The following SOX5 variants were observed in gnomAD, a reference collection of about 807,000 sequenced individuals.
SOX5 encodes SRY-box transcription factor 5, also known as transcription factor SOX-5.
Under a neutral mutation model 92.0 loss-of-function variants are expected in SOX5, and 9 were observed. The ratio of observed to expected loss-of-function variants is 0.10; its 90% confidence interval spans 0.06 to 0.17. SOX5 has a LOEUF of 0.17. Among genes scored for constraint, SOX5 ranks in the 10% least tolerant of loss-of-function variants. SOX5 has a pLI of 1.00. For synonymous variants in SOX5, 344 were observed against 336.3 expected, an observed-to-expected ratio of 1.02 and a Z score of -0.25; for missense variants, 642 against 944.5, an observed-to-expected ratio of 0.68 and a Z score of 4.20.
At chr12:24,370,124 T>C (rs1358118398) in intron 1 of SOX5, among the ~76,000 whole-genome samples, 4 of 152,204 alleles carry the variant, frequency 2.6e-5, no homozygotes, top group Non-Finnish European at 5.9e-5. Context: ...CTTCTAAATA[T>C]TATTAGTAGT....
chr12:23,997,129 T>C (rs1370081569), intron 4 of SOX5, among the ~76,000 whole-genome samples: 1 of 152,100 alleles, frequency 6.6e-6, no homozygotes, highest in East Asian at 1.9e-4. Flanking sequence ...AAAAAAATAG[T>C]GAAATATTTA....
At chr12:24,522,514 A>T (rs951551619) in intron 1 of SOX5, among the ~76,000 whole-genome samples, 1 of 152,172 alleles carries the variant, frequency 6.6e-6, no homozygotes, top group East Asian at 1.9e-4. Flanking sequence ...ATACAGATAC[A>T]AAAATCCTGA....
At chr12:23,727,425 A>G (rs932232084) in intron 6 of SOX5, among the ~76,000 whole-genome samples, 14 of 152,156 alleles carry the variant, frequency 9.2e-5, no homozygotes, top group Non-Finnish European at 1.9e-4. Context: ...TAATCATAAG[A>G]GTTTGGAGCA....
intron 9 of SOX5, among the ~76,000 whole-genome samples, chr12:23,578,117 C>CAAAAAAAAATA (rs1949475188): frequency 2.9e-5 from 1 of 34,886 alleles, no homozygotes. Context: ...GAGACTGTGT[C>CAAAAAAAAATA]AAAAAAAAAA....
chr12:24,215,196 A>C (rs1959069470), intron 3 of SOX5, among the ~76,000 whole-genome samples: 1 of 152,158 alleles, frequency 6.6e-6, no homozygotes, highest in African/African-American at 2.4e-5. Flanking sequence ...CTAAGGAACA[A>C]GAATGTTTGC....
intron 1 of SOX5, among the ~76,000 whole-genome samples, chr12:24,373,916 A>G (rs1436052822): frequency 1.3e-5 from 2 of 152,202 alleles, no homozygotes; most frequent in Non-Finnish European, 2.9e-5. Context: ...AGGGGCCACT[A>G]ATCGGCTTTG....
chr12:24,438,042 T>G (rs1939781513), intron 1 of SOX5, among the ~76,000 whole-genome samples: 1 of 152,134 alleles, frequency 6.6e-6, no homozygotes, highest in Non-Finnish European at 1.5e-5. Flanking sequence ...CAAATGCCCA[T>G]CAATGACAGA....
intron 1 of SOX5, among the ~76,000 whole-genome samples, chr12:24,444,238 A>C (rs529264275): frequency 5.3e-4 from 81 of 151,782 alleles, no homozygotes; most frequent in Admixed American, 1.8e-3. Flanking sequence ...ACTAGCATTT[A>C]CTAAGTACTC....
chr12:24,215,123 C>T (rs1355449383), intron 3 of SOX5, among the ~76,000 whole-genome samples: 1 of 152,040 alleles, frequency 6.6e-6, no homozygotes. Context: ...TAGTAAAGAC[C>T]ATCTATGAAA....
Position 24,165,948 on chromosome 12 carries a change from T to C in SOX5, c.-2+47395A>G, listed in dbSNP as rs187203143. Among the ~76,000 whole-genome samples, 19 of 152,220 alleles carry C rather than the reference T, an allele frequency of 1.2e-4. No homozygotes were observed. In the East Asian group the frequency reaches 3.5e-3, roughly 28 times the overall value. On this transcript the variant is annotated intron_variant, in intron 4 of 4. Coordinates refer to the SOX5 transcript ENST00000446891. ...GAGATTAGGGAAGATGTGACAAACA[T>C]GTAGAGGATGTTTTGGAAAACAACC...
At chr12:24,360,559 G>A (rs1304295447) in intron 2 of SOX5, among the ~76,000 whole-genome samples, 1 of 152,160 alleles carries the variant, frequency 6.6e-6, no homozygotes, top group Non-Finnish European at 1.5e-5. Context: ...AACTAAAAAA[G>A]CTAATCTTAT....
At chr12:23,983,258 T>G (rs2136186758) in intron 4 of SOX5, among the ~76,000 whole-genome samples, 1 of 152,204 alleles carries the variant, frequency 6.6e-6, no homozygotes, top group East Asian at 1.9e-4. Flanking sequence ...TCAGAGTTTG[T>G]AAGCATCACC....
intron 4 of SOX5, among the ~76,000 whole-genome samples, chr12:24,001,922 T>C (rs1452832886): frequency 6.6e-6 from 1 of 152,040 alleles, no homozygotes; most frequent in Non-Finnish European, 1.5e-5. Context: ...TATGATCACA[T>C]CATTGTACCC....
intron 4 of SOX5, among the ~76,000 whole-genome samples, chr12:24,112,367 G>T (rs1472959742): frequency 2.0e-5 from 3 of 152,140 alleles, no homozygotes; most frequent in African/African-American, 7.2e-5. Flanking sequence ...CAAAGTTAAA[G>T]TGGTTCCAAC....
At chr12:24,550,865 C>T (rs566556470) in intron 1 of SOX5, among the ~76,000 whole-genome samples, 6 of 152,328 alleles carry the variant, frequency 3.9e-5, no homozygotes, top group Admixed American at 3.3e-4. Flanking sequence ...CCATGAGACA[C>T]GCATTGATGT....
intron 1 of SOX5, among the ~76,000 whole-genome samples, chr12:24,520,489 T>A (rs953809983): frequency 8.7e-5 from 12 of 137,272 alleles, no homozygotes; most frequent in South Asian, 2.4e-4. Context: ...AATAGACACA[T>A]AAAAGATAAA....
At chr12:23,813,908 A>C (rs2095930124) in intron 3 of SOX5, among the ~76,000 whole-genome samples, 1 of 152,200 alleles carries the variant, frequency 6.6e-6, no homozygotes, top group Non-Finnish European at 1.5e-5. Context: ...ACATTTAATC[A>C]GCCTGTCATA....
intron 3 of SOX5, among the ~76,000 whole-genome samples, chr12:24,228,397 G>T (rs1282257280): frequency 6.6e-6 from 1 of 152,138 alleles, no homozygotes; most frequent in Non-Finnish European, 1.5e-5. Context: ...ATATGTTTTT[G>T]AACTAAAAGT....
At chr12:23,549,458 G>A (rs1943763424) in intron 11 of SOX5, among the ~76,000 whole-genome samples, 1 of 151,796 alleles carries the variant, frequency 6.6e-6, no homozygotes, top group Admixed American at 6.6e-5. Context: ...CCCATTTAAA[G>A]GTCACCATTC....
Sources: allele counts gnomAD v4.1 joint callset (sites outside exome capture counted in the v4.1 genomes callset), GRCh38; gene constraint gnomAD v4.1.1; transcripts MANE v1.5; gene names NCBI Gene and HGNC (gene_info 2026-07-23, HGNC 2026-07-21).